KCTD16: variants seen among roughly 807,000 people sequenced by gnomAD.
KCTD16 encodes the protein potassium channel tetramerization domain containing 16.
A neutral mutation model predicts 33.2 loss-of-function variants in KCTD16; 13 were observed. The ratio of observed to expected loss-of-function variants is 0.39; its 90% CI spans 0.25 to 0.62. The LOEUF (loss-of-function observed/expected upper bound fraction) is 0.62. Among genes scored for constraint, KCTD16 ranks in the 20% least tolerant of loss-of-function variants. KCTD16 has a pLI of 0.50. For missense variants in KCTD16, 441 were observed against 525.1 expected, an observed-to-expected ratio of 0.84 and a Z score of 1.57; for synonymous variants, 197 against 195.3, an observed-to-expected ratio of 1.01 and a Z score of -0.07.
At chr5:144,418,490 A>G (rs188524458) in intron 3 of KCTD16, among the ~76,000 whole-genome samples, 3 of 152,216 alleles carry the variant, frequency 2.0e-5, no homozygotes, top group Admixed American at 2.0e-4. Context: ...TGATTGGTGC[A>G]TTTACAATCC....
At chr5:144,445,608 G>A (rs987248383) in intron 3 of KCTD16, among the ~76,000 whole-genome samples, 1 of 151,958 alleles carries the variant, frequency 6.6e-6, no homozygotes, top group Non-Finnish European at 1.5e-5. Flanking sequence ...AGAATAAGGT[G>A]GGGTTCAGGA....
intron 3 of KCTD16, among the ~76,000 whole-genome samples, chr5:144,310,299 T>C (rs1751728364): frequency 1.3e-5 from 2 of 152,192 alleles, no homozygotes; most frequent in South Asian, 4.1e-4. Flanking sequence ...ACAATCATTG[T>C]GTTGATGGCA....
At chr5:144,220,349 C>T (rs1398462076) in intron 3 of KCTD16, among the ~76,000 whole-genome samples, 1 of 152,156 alleles carries the variant, frequency 6.6e-6, no homozygotes, top group African/African-American at 2.4e-5. Context: ...GCTTGATTTA[C>T]TTGTTTATTT....
intron 3 of KCTD16, among the ~76,000 whole-genome samples, chr5:144,395,558 G>A (rs1380479938): frequency 6.6e-6 from 1 of 152,204 alleles, no homozygotes; most frequent in Non-Finnish European, 1.5e-5. Context: ...GGAACCTGTA[G>A]TAGTCTTCTC....
chr5:144,295,122 G>T (rs1432593985), intron 3 of KCTD16, among the ~76,000 whole-genome samples: 1 of 152,182 alleles, frequency 6.6e-6, no homozygotes, highest in African/African-American at 2.4e-5. Context: ...ATTTATGCAA[G>T]TTAACTGCTT....
rs537607101 is a variant in KCTD16, at chr5:144,394,688, G to A, written c.833-78972G>A. Among the ~76,000 whole-genome samples, 12 of 152,264 alleles carry A rather than the reference G, an allele frequency of 7.9e-5. No homozygotes were observed. In the South Asian group the frequency reaches 1.2e-3, roughly 16 times the overall value. On this transcript the variant is annotated intron_variant, in intron 3 of 3. Transcript: ENST00000512467. ...CTTGTGATAGTGAGTGAGTCCTCAC[G>A]AGATCTGATGGTTTTGTAAGAATCT...
intron 3 of KCTD16, among the ~76,000 whole-genome samples, chr5:144,360,331 A>C (rs1484289240): frequency 6.6e-6 from 1 of 151,832 alleles, no homozygotes; most frequent in Non-Finnish European, 1.5e-5. Flanking sequence ...ACTTCCACTT[A>C]TGAGTGAGAA....
chr5:144,209,286 T>A (rs578117920), intron 3 of KCTD16, among the ~76,000 whole-genome samples: 3 of 152,284 alleles, frequency 2.0e-5, no homozygotes, highest in African/African-American at 7.2e-5. Flanking sequence ...CAGTGGCATT[T>A]CTGTGTTCAT....
In KCTD16 at chr5:144,369,120, G is replaced by A. The variant is rs900056630; in HGVS notation, c.833-104540G>A. On this transcript the variant is annotated intron_variant, in intron 3 of 3. Coordinates refer to ENST00000512467, the MANE Select transcript of KCTD16 (RefSeq NM_020768.4). ...GAGAGAGAAAAGGAGCCAGACAGCA[G>A]CTCTGCACCTGCAGAAAGTGGCTGC... Among the ~76,000 whole-genome samples the A allele has an allele frequency of 2.0e-5, 3 of 152,232 alleles. No homozygotes were observed. The East Asian group carries it at 5.8e-4, about 30-fold the overall frequency.
At chr5:144,223,895 T>A (rs1244011677) in intron 3 of KCTD16, among the ~76,000 whole-genome samples, 1 of 152,080 alleles carries the variant, frequency 6.6e-6, no homozygotes, top group Non-Finnish European at 1.5e-5. Flanking sequence ...CTTCCTTTTA[T>A]CCTGGTGGTC....
At chr5:144,259,296 TGTCC>T in intron 3 of KCTD16, among the ~76,000 whole-genome samples, 1 of 88,542 alleles carries the variant, frequency 1.1e-5, no homozygotes, top group East Asian at 3.1e-4. Context: ...GGATGAAGCA[TGTCC>T]TTGGGAAAAC....
chr5:144,317,019 G>A (rs1289537974), intron 3 of KCTD16, among the ~76,000 whole-genome samples: 1 of 150,460 alleles, frequency 6.6e-6, no homozygotes, highest in African/African-American at 2.4e-5. Context: ...GTAGAGATGG[G>A]GTTTCATCAT....
intron 3 of KCTD16, among the ~76,000 whole-genome samples, chr5:144,368,535 A>G (rs1362032005): frequency 6.6e-6 from 1 of 152,192 alleles, no homozygotes; most frequent in Non-Finnish European, 1.5e-5. Context: ...AATTCTGCTA[A>G]TTATCTAAAT....
At chr5:144,236,308 T>A (rs1260782391) in intron 3 of KCTD16, among the ~76,000 whole-genome samples, 1 of 152,064 alleles carries the variant, frequency 6.6e-6, no homozygotes, top group Non-Finnish European at 1.5e-5. Flanking sequence ...GAGCTGGGCC[T>A]TTAAGGATGA....
At chr5:144,332,009 C>T (rs1173572276) in intron 3 of KCTD16, among the ~76,000 whole-genome samples, 1 of 152,064 alleles carries the variant, frequency 6.6e-6, no homozygotes, top group Non-Finnish European at 1.5e-5. Flanking sequence ...AGAAAAAGCC[C>T]ATGCATGTTA....
At chr5:144,357,178 C>T (rs898238442) in intron 3 of KCTD16, among the ~76,000 whole-genome samples, 26 of 151,916 alleles carry the variant, frequency 1.7e-4, no homozygotes, top group Non-Finnish European at 2.9e-5. Context: ...AAAAGAGGTA[C>T]GTCACAAGGC....
At chr5:144,273,642 G>C (rs1755362157) in intron 3 of KCTD16, among the ~76,000 whole-genome samples, 1 of 151,662 alleles carries the variant, frequency 6.6e-6, no homozygotes. Context: ...TGGAACTTAA[G>C]AACATTCTAC....
rs993749666 is a variant in KCTD16 at position 144,254,680 on chromosome 5, CCACAGCCTCTGGCA to C, written c.832+47135_832+47148del. ...GTTAATAACTTTTAATTTCCCCCTC[CCACAGCCTCTGGCA>C]ACTGCCATTCCACTCCTTGATTCTA... On this transcript the variant is annotated intron_variant, in intron 3 of 3. Coordinates refer to ENST00000512467, the MANE Select transcript of KCTD16 (RefSeq NM_020768.4). Among the ~76,000 whole-genome samples the C allele has an allele frequency of 1.1e-4, 16 of 152,252 alleles. No individual in the cohort carries two copies. The South Asian group carries it at 1.2e-3, about 12-fold the overall frequency.
chr5:144,357,269 C>T (rs1256990704), intron 3 of KCTD16, among the ~76,000 whole-genome samples: 2 of 152,200 alleles, frequency 1.3e-5, no homozygotes, highest in Admixed American at 6.5e-5. Flanking sequence ...GAAATCCAGC[C>T]TATTGCTCCA....
Sources: gnomAD v4.1 joint callset for allele counts (sites outside exome capture counted in the v4.1 genomes callset) on GRCh38, gnomAD v4.1.1 for gene constraint, MANE v1.5 for transcripts, NCBI Gene and HGNC (gene_info 2026-07-23, HGNC 2026-07-21) for gene names.